Variants in ROBO2 observed in about 807,000 individuals in gnomAD.
The protein encoded by ROBO2 is roundabout homolog 2.
Under a neutral mutation model 160.8 loss-of-function variants are expected in ROBO2, and 53 were observed. That is an observed-to-expected ratio of 0.33 (90% CI 0.26 to 0.41). The LOEUF (loss-of-function observed/expected upper bound fraction) is 0.41, where lower values mean the gene tolerates loss of function less well. Among genes scored for constraint, ROBO2 ranks in the 10% least tolerant of loss-of-function variants. The pLI, the probability that ROBO2 is intolerant of heterozygous loss-of-function variation, is 1.00. For missense variants in ROBO2, 1,577 were observed against 1,722.4 expected, an observed-to-expected ratio of 0.92 and a Z score of 1.49; for synonymous variants, 664 against 611.7, an observed-to-expected ratio of 1.09 and a Z score of -1.26.
At chr3:76,598,997 A>G (rs1900656) in intron 2 of ROBO2, among the ~76,000 whole-genome samples, 105,413 of 151,948 alleles carry the variant, frequency 0.69, 36,820 homozygotes, top group Middle Eastern at 0.8. Context: ...AGACAGCAAA[A>G]AGTAACCTCA....
chr3:77,500,956 G>T (rs1021718004), intron 5 of ROBO2, among the ~76,000 whole-genome samples: 1 of 152,204 alleles, frequency 6.6e-6, no homozygotes, highest in African/African-American at 2.4e-5. Flanking sequence ...GAGATGCTCT[G>T]CTGTCTGTTA....
At chr3:76,118,334 G>T (rs1371006599) in intron 2 of ROBO2, among the ~76,000 whole-genome samples, 4 of 152,156 alleles carry the variant, frequency 2.6e-5, no homozygotes, top group South Asian at 4.1e-4. Flanking sequence ...TCAGTAATTT[G>T]CAGCCATGTG....
intron 2 of ROBO2, among the ~76,000 whole-genome samples, chr3:77,222,702 C>T (rs993760472): frequency 1.3e-5 from 2 of 152,146 alleles, no homozygotes; most frequent in Admixed American, 1.3e-4. Flanking sequence ...TAAAGCATTT[C>T]TTTTTCACTT....
intron 2 of ROBO2, among the ~76,000 whole-genome samples, chr3:76,075,382 G>A (rs1223992341): frequency 6.6e-6 from 1 of 151,402 alleles, no homozygotes; most frequent in African/African-American, 2.4e-5. Context: ...CCACATCTGG[G>A]AGTTTCTGTA....
chr3:77,082,757 G>A (rs367910523), intron 1 of ROBO2, among the ~76,000 whole-genome samples: 3 of 151,444 alleles, frequency 2.0e-5, no homozygotes, highest in Non-Finnish European at 2.9e-5. Context: ...ACTCTAGTAT[G>A]TACAAATGTA....
intron 2 of ROBO2, among the ~76,000 whole-genome samples, chr3:77,458,301 A>G (rs1167853998): frequency 6.6e-6 from 1 of 152,210 alleles, no homozygotes; most frequent in Non-Finnish European, 1.5e-5. Flanking sequence ...AATATAACCT[A>G]TAAGAATTAT....
At chr3:77,355,231 A>ATCCGCATACCCTAGGAGC (rs1327278468) in intron 2 of ROBO2, among the ~76,000 whole-genome samples, 3 of 152,134 alleles carry the variant, frequency 2.0e-5, no homozygotes, top group Non-Finnish European at 4.4e-5. Context: ...CCTTCTTCCC[A>ATCCGCATACCCTAGGAGC]TCTGCATACC....
intron 2 of ROBO2, among the ~76,000 whole-genome samples, chr3:76,011,302 G>C (rs2066186837): frequency 6.6e-6 from 1 of 152,152 alleles, no homozygotes; most frequent in African/African-American, 2.4e-5. Flanking sequence ...TTGTTGAGAT[G>C]CTGCCAGCCC....
At chr3:76,924,179 G>GT (rs1481078158) in intron 2 of ROBO2, among the ~76,000 whole-genome samples, 1 of 151,948 alleles carries the variant, frequency 6.6e-6, no homozygotes, top group Non-Finnish European at 1.5e-5. Flanking sequence ...TTTCTACCTT[G>GT]TATTATTATA....
intron 2 of ROBO2, among the ~76,000 whole-genome samples, chr3:76,512,665 A>G (rs189346316): frequency 3.3e-4 from 51 of 152,246 alleles, no homozygotes; most frequent in African/African-American, 1.0e-3. Context: ...TGATTGTTCA[A>G]TGTACACACA....
At chr3:77,434,971 C>G (rs1271354160) in intron 2 of ROBO2, among the ~76,000 whole-genome samples, 1 of 151,892 alleles carries the variant, frequency 6.6e-6, no homozygotes, top group Non-Finnish European at 1.5e-5. Context: ...TTAATATTTT[C>G]TTAGGGCAAT....
chr3:77,291,536 C>T (rs2061257185), intron 2 of ROBO2, among the ~76,000 whole-genome samples: 2 of 150,430 alleles, frequency 1.3e-5, no homozygotes. Context: ...TAGGCTGAGG[C>T]TAGATCACCC....
intron 2 of ROBO2, among the ~76,000 whole-genome samples, chr3:76,955,211 T>C (rs755947021): frequency 1.6e-4 from 24 of 152,354 alleles, no homozygotes; most frequent in Non-Finnish European, 3.2e-4. Context: ...CTTCATTTGT[T>C]TACTTGACGG....
intron 2 of ROBO2, among the ~76,000 whole-genome samples, chr3:76,657,451 A>T (rs1187435820): frequency 1.5e-5 from 2 of 137,402 alleles, no homozygotes; most frequent in African/African-American, 5.6e-5. Context: ...AAATTACATT[A>T]AAAAAAAAAA....
intron 2 of ROBO2, among the ~76,000 whole-genome samples, chr3:75,983,967 T>C (rs1199672147): frequency 6.6e-6 from 1 of 151,368 alleles, no homozygotes; most frequent in Non-Finnish European, 1.5e-5. Flanking sequence ...ACTAATTCGG[T>C]TTATCTTATG....
At chr3:77,100,191 A>AT (rs762278067) in intron 2 of ROBO2, among the ~76,000 whole-genome samples, 41 of 151,916 alleles carry the variant, frequency 2.7e-4, no homozygotes, top group Non-Finnish European at 5.2e-4. Flanking sequence ...TGTGACAGTA[A>AT]TTTTTTTTAT....
At chr3:76,454,675 T>A (rs2077659487) in intron 2 of ROBO2, among the ~76,000 whole-genome samples, 2 of 152,186 alleles carry the variant, frequency 1.3e-5, no homozygotes, top group African/African-American at 4.8e-5. Flanking sequence ...AATGTAATTA[T>A]ACAGCATTTA....
chr3:77,371,562 C>T (rs1021324993), intron 2 of ROBO2, among the ~76,000 whole-genome samples: 4 of 152,182 alleles, frequency 2.6e-5, no homozygotes, highest in African/African-American at 4.8e-5. Flanking sequence ...ACTCAGCATA[C>T]ACATAAGTAA....
chr3:77,361,591 C>T (rs2069998128), intron 2 of ROBO2, among the ~76,000 whole-genome samples: 1 of 152,006 alleles, frequency 6.6e-6, no homozygotes, highest in Admixed American at 6.6e-5. Context: ...GAGGGTCTCT[C>T]CTTCAAAGTT....
Sources: gnomAD v4.1 joint callset for allele counts (sites outside exome capture counted in the v4.1 genomes callset) on GRCh38, gnomAD v4.1.1 for gene constraint, MANE v1.5 for transcripts, NCBI Gene and HGNC (gene_info 2026-07-23, HGNC 2026-07-21) for gene names.